WDPCP: variants seen among roughly 807,000 people sequenced by gnomAD.
WDPCP encodes WD repeat containing planar cell polarity effector.
WDPCP carries 71 observed loss-of-function variants against 93.1 expected under a neutral mutation model. The ratio of observed to expected loss-of-function variants is 0.76; its 90% CI spans 0.63 to 0.93. WDPCP has a LOEUF of 0.93. Ranked by LOEUF, WDPCP falls within the 40% of genes least tolerant of loss-of-function variation. The pLI is 0.00. For missense variants in WDPCP, 844 were observed against 887.4 expected (o/e 0.95, Z 0.62); for synonymous variants, 315 against 315.0 (o/e 1.00, Z 0.00).
At chr2:63,583,975 T>G (rs1708672029) in intron 1 of WDPCP, among the ~76,000 whole-genome samples, 1 of 152,024 alleles carries the variant, frequency 6.6e-6, no homozygotes, top group South Asian at 2.1e-4. Flanking sequence ...TGGCCAGAGA[T>G]ATATGTATGT....
chr2:63,348,911 A>G (rs1689378448), intron 12 of WDPCP, among the ~76,000 whole-genome samples: 1 of 152,214 alleles, frequency 6.6e-6, no homozygotes, highest in East Asian at 1.9e-4. Context: ...GATATTCAGA[A>G]AAGCTGAGCT....
rs886056222 is a variant in WDPCP, at chr2:63,121,902, T to G, written c.*104A>C. 5.1e-6 allele frequency: 8 copies of G among 1,569,264 alleles called. No homozygotes were observed. The highest frequency in any genetic ancestry group is 2.7e-5 in the African/African-American group (2 of 72,802). On this transcript the variant is annotated 3_prime_UTR_variant, in exon 18 of 18. Transcript: ENST00000272321. ...CAAAACTCTTAACTAATTTATATGA[T>G]TCATACTGTCTCTTGTTAAAAATCC...
chr2:63,625,378 A>G (rs1709798813), intron 3 of WDPCP, among the ~76,000 whole-genome samples: 1 of 152,222 alleles, frequency 6.6e-6, no homozygotes, highest in African/African-American at 2.4e-5. Context: ...GGAAGAGAGG[A>G]AGTCAAATTG....
intron 3 of WDPCP, among the ~76,000 whole-genome samples, chr2:63,606,485 A>G (rs1236245185): frequency 6.6e-6 from 1 of 152,234 alleles, no homozygotes; most frequent in African/African-American, 2.4e-5. Flanking sequence ...GGTCATTGAA[A>G]GTTTTTATGA....
chr2:63,378,835 A>G (rs1236969618), intron 11 of WDPCP, among the ~76,000 whole-genome samples: 2 of 152,186 alleles, frequency 1.3e-5, no homozygotes, highest in African/African-American at 4.8e-5. Flanking sequence ...TTCCAGTAAA[A>G]TCAACTCACA....
chr2:63,142,817 G>GGTGT lies in WDPCP; in HGVS notation c.2190+10093_2190+10096dup, dbSNP rs143419326. Among the ~76,000 whole-genome samples, 328 of 146,476 alleles carry GGTGT rather than the reference G, an allele frequency of 2.2e-3. 3 individuals carry two copies. Among genetic ancestry groups the GGTGT allele is most frequent in the South Asian group, 0.015 (70 of 4,534 alleles). ...TAAATTTGGGAGCTGCAGTGTTAGG[G>GGTGT]GTGTGTGTGTGTGTGTGTGTGTGTG... is the stretch of plus-strand genomic sequence containing the variant. On this transcript the variant is annotated intron_variant, in intron 17 of 17. Transcript: ENST00000272321.
chr2:63,366,472 T>TATC (rs1328713872), intron 12 of WDPCP, among the ~76,000 whole-genome samples: 2 of 152,196 alleles, frequency 1.3e-5, no homozygotes, highest in Non-Finnish European at 2.9e-5. Context: ...CTAATTTGTG[T>TATC]ATCTCTACAA....
intron 1 of WDPCP, among the ~76,000 whole-genome samples, chr2:63,520,569 T>C (rs566213199): frequency 1.7e-4 from 26 of 152,126 alleles, no homozygotes; most frequent in African/African-American, 5.5e-4. Context: ...CCAGAAGAGA[T>C]TGGATGCCTA....
chr2:63,164,944 G>C (rs1672861166), intron 15 of WDPCP, among the ~76,000 whole-genome samples: 1 of 152,074 alleles, frequency 6.6e-6, no homozygotes, highest in African/African-American at 2.4e-5. Context: ...TAACACAAGA[G>C]AAGGCAATAA....
At chr2:63,222,400 T>G (rs147609860) in intron 14 of WDPCP, among the ~76,000 whole-genome samples, 7 of 152,290 alleles carry the variant, frequency 4.6e-5, no homozygotes, top group Non-Finnish European at 7.4e-5. Context: ...GACACTGGCG[T>G]GGCCATAGAT....
chr2:63,746,879 C>G (rs908749161), intron 2 of WDPCP, among the ~76,000 whole-genome samples: 1 of 151,954 alleles, frequency 6.6e-6, no homozygotes, highest in African/African-American at 2.4e-5. Flanking sequence ...CTTTTGTTGC[C>G]CTTGAGGCAT....
intron 14 of WDPCP, chr2:63,232,475 G>A (rs945635908): frequency 5.9e-5 from 9 of 152,272 alleles, no homozygotes; most frequent in African/African-American, 1.9e-4. Context: ...TTGGCCAACA[G>A]CTGCTGTGTT....
chr2:63,421,414 T>C (rs1161495787), intron 9 of WDPCP, among the ~76,000 whole-genome samples: 4 of 151,278 alleles, frequency 2.6e-5, no homozygotes, highest in African/African-American at 7.3e-5. Flanking sequence ...AACAGGCAAA[T>C]AGATCAATGG....
At chr2:63,779,023 G>A (rs997561663) in intron 2 of WDPCP, among the ~76,000 whole-genome samples, 1 of 152,084 alleles carries the variant, frequency 6.6e-6, no homozygotes, top group Admixed American at 6.6e-5. Context: ...CACTAAAGAA[G>A]GGGAATGTAT....
chr2:63,704,607 T>G (rs1339268217), intron 2 of WDPCP, among the ~76,000 whole-genome samples: 1 of 152,228 alleles, frequency 6.6e-6, no homozygotes, highest in Admixed American at 6.5e-5. Context: ...CGTTTATTGA[T>G]TTGCATAGGT....
chr2:63,386,602 C>T (rs985410713), intron 10 of WDPCP, among the ~76,000 whole-genome samples: 1 of 152,054 alleles, frequency 6.6e-6, no homozygotes, highest in African/African-American at 2.4e-5. Context: ...TGCTAAATGA[C>T]ACAATCATTT....
At chr2:63,401,964 C>T (rs2105156312) in intron 10 of WDPCP, among the ~76,000 whole-genome samples, 1 of 152,232 alleles carries the variant, frequency 6.6e-6, no homozygotes, top group South Asian at 2.1e-4. Flanking sequence ...CCAGCAATCC[C>T]ATTACTGAGT....
At chr2:63,588,725 C>T (rs1709062608), upstream of WDPCP, 2 of 499,244 alleles carry the variant, frequency 4.0e-6, no homozygotes, top group South Asian at 4.4e-5. Context: ...GAGCCCAAAC[C>T]ATCCGTTTGT....
intron 12 of WDPCP, among the ~76,000 whole-genome samples, chr2:63,352,282 C>T (rs573219345): frequency 2.6e-5 from 4 of 152,174 alleles, no homozygotes; most frequent in Admixed American, 6.5e-5. Context: ...AATCAGGATG[C>T]ACTTGTCTAT....
Sources: allele counts gnomAD v4.1 joint callset (sites outside exome capture counted in the v4.1 genomes callset), GRCh38; gene constraint gnomAD v4.1.1; transcripts MANE v1.5; gene names NCBI Gene and HGNC (gene_info 2026-07-23, HGNC 2026-07-21).